RBFOX1: variants seen among roughly 807,000 people sequenced by gnomAD.
RBFOX1 encodes RNA binding protein fox-1 homolog 1.
Under a neutral mutation model 57.7 loss-of-function variants are expected in RBFOX1, and 8 were observed. The ratio of observed to expected loss-of-function variants is 0.14; its 90% CI spans 0.08 to 0.25. The LOEUF (loss-of-function observed/expected upper bound fraction) is 0.25, where lower values mean the gene tolerates loss of function less well. Ranked by LOEUF, RBFOX1 falls within the 10% of genes least tolerant of loss-of-function variation. The probability of loss-of-function intolerance (pLI) is 1.00; values close to 1 mark genes in which losing one functional copy is unlikely to be tolerated. For missense variants in RBFOX1, 611 were observed against 548.5 expected (o/e 1.11, Z -1.14); for synonymous variants, 326 against 222.4 (o/e 1.47, Z -4.15).
intron 1 of RBFOX1, among the ~76,000 whole-genome samples, chr16:6,257,457 T>C (rs992640001): frequency 4.6e-5 from 7 of 152,082 alleles, no homozygotes; most frequent in African/African-American, 9.7e-5. Context: ...GGGGCACACG[T>C]GCAGGTTTGT....
chr16:5,310,511 G>A (rs928509110), intron 1 of RBFOX1, among the ~76,000 whole-genome samples: 1 of 152,146 alleles, frequency 6.6e-6, no homozygotes, highest in Non-Finnish European at 1.5e-5. Context: ...CTGAGTCTCT[G>A]TTTCCTCATC....
At chr16:5,359,356 G>T (rs1303871542) in intron 1 of RBFOX1, among the ~76,000 whole-genome samples, 2 of 152,188 alleles carry the variant, frequency 1.3e-5, no homozygotes, top group Admixed American at 6.5e-5. Context: ...GGATCATATG[G>T]TAGCTCCACT....
At chr16:6,925,132 T>C (rs1206559956) in intron 3 of RBFOX1, among the ~76,000 whole-genome samples, 3 of 99,432 alleles carry the variant, frequency 3.0e-5, no homozygotes, top group East Asian at 3.0e-4. Flanking sequence ...TTTTTTTTTT[T>C]TTTTTTTTTT....
intron 3 of RBFOX1, among the ~76,000 whole-genome samples, chr16:7,002,587 A>C (rs1405357132): frequency 2.6e-5 from 4 of 151,928 alleles, no homozygotes; most frequent in Admixed American, 2.6e-4. Flanking sequence ...TGGCATGCAC[A>C]TGTCATCCCA....
At chr16:6,804,011 AT>A (rs796697448) in intron 3 of RBFOX1, among the ~76,000 whole-genome samples, 100 of 147,232 alleles carry the variant, frequency 6.8e-4, no homozygotes, top group African/African-American at 9.4e-4. Context: ...AACTCATACA[AT>A]TTTTTTTTTT....
intron 4 of RBFOX1, among the ~76,000 whole-genome samples, chr16:7,236,462 A>G (rs1345329069): frequency 6.6e-6 from 1 of 152,164 alleles, no homozygotes; most frequent in Non-Finnish European, 1.5e-5. Flanking sequence ...GCAATCTGGC[A>G]GAATCTCTTT....
intron 4 of RBFOX1, among the ~76,000 whole-genome samples, chr16:5,995,653 C>T (rs1028655684): frequency 6.6e-6 from 1 of 152,062 alleles, no homozygotes; most frequent in Non-Finnish European, 1.5e-5. Context: ...ACAAGTCAAC[C>T]CTTTGCTTCA....
At chr16:5,592,551 G>T (rs1276945079) in intron 2 of RBFOX1, among the ~76,000 whole-genome samples, 1 of 151,822 alleles carries the variant, frequency 6.6e-6, no homozygotes, top group Non-Finnish European at 1.5e-5. Flanking sequence ...CCGGTAGCTG[G>T]GATTACAGAC....
chr16:7,141,943 C>T (rs2073892763), intron 4 of RBFOX1, among the ~76,000 whole-genome samples: 1 of 152,138 alleles, frequency 6.6e-6, no homozygotes, highest in Non-Finnish European at 1.5e-5. Context: ...TAAGATGTTT[C>T]AGCGGGATCC....
intron 3 of RBFOX1, among the ~76,000 whole-genome samples, chr16:5,646,566 G>C (rs774388385): frequency 3.3e-5 from 5 of 152,164 alleles, no homozygotes; most frequent in Admixed American, 6.5e-5. Context: ...TGCTATGTCA[G>C]AGGGTCGCAG....
intron 1 of RBFOX1, among the ~76,000 whole-genome samples, chr16:6,188,036 C>T (rs2097116633): frequency 6.6e-6 from 1 of 152,214 alleles, no homozygotes; most frequent in African/African-American, 2.4e-5. Context: ...ACTCATCCCT[C>T]AGTGTCCACG....
intron 2 of RBFOX1, among the ~76,000 whole-genome samples, chr16:6,617,146 G>T (rs1387568134): frequency 6.6e-6 from 1 of 152,036 alleles, no homozygotes; most frequent in East Asian, 2.0e-4. Context: ...TACAAGGAGA[G>T]GTCCTCCATC....
At chr16:6,239,918 T>C (rs537570982) in intron 1 of RBFOX1, among the ~76,000 whole-genome samples, 1 of 152,164 alleles carries the variant, frequency 6.6e-6, no homozygotes, top group Non-Finnish European at 1.5e-5. Flanking sequence ...CCATATCTCA[T>C]GTTGAAGTGT....
chr16:5,616,644 C>G (rs955043268), intron 3 of RBFOX1, among the ~76,000 whole-genome samples: 15 of 145,908 alleles, frequency 1.0e-4, no homozygotes, highest in Admixed American at 1.4e-4. Flanking sequence ...CTCCTCACCC[C>G]TCCTCCTCTG....
chr16:7,259,298 T>C (rs1603451798), intron 4 of RBFOX1, among the ~76,000 whole-genome samples: 1 of 152,286 alleles, frequency 6.6e-6, no homozygotes, highest in Non-Finnish European at 1.5e-5. Flanking sequence ...TTAAACCCTA[T>C]GGAAACACCT....
At chr16:6,548,593 G>A (rs970211550) in intron 2 of RBFOX1, among the ~76,000 whole-genome samples, 30 of 152,202 alleles carry the variant, frequency 2.0e-4, no homozygotes, top group African/African-American at 5.5e-4. Context: ...AATAAAACAC[G>A]AATAAACTTT....
intron 2 of RBFOX1, among the ~76,000 whole-genome samples, chr16:5,598,043 T>C (rs544260999): frequency 1.3e-5 from 2 of 152,140 alleles, no homozygotes; most frequent in East Asian, 3.9e-4. Context: ...AGGCCGGTAA[T>C]GTTAGTACTT....
At chr16:7,356,748 C>G (rs1331841970) in intron 4 of RBFOX1, among the ~76,000 whole-genome samples, 1 of 152,226 alleles carries the variant, frequency 6.6e-6, no homozygotes, top group East Asian at 1.9e-4. Flanking sequence ...TAACAGTTTT[C>G]TTAAAACAGG....
intron 4 of RBFOX1, among the ~76,000 whole-genome samples, chr16:7,143,460 C>G (rs2074267366): frequency 6.6e-6 from 1 of 152,086 alleles, no homozygotes; most frequent in Non-Finnish European, 1.5e-5. Context: ...AATTTAGAAT[C>G]TGTCTGGAGT....
Sources: gnomAD v4.1 joint callset for allele counts (sites outside exome capture counted in the v4.1 genomes callset) on GRCh38, gnomAD v4.1.1 for gene constraint, MANE v1.5 for transcripts, NCBI Gene and HGNC (gene_info 2026-07-23, HGNC 2026-07-21) for gene names.